The following MAP3K20 variants were observed in gnomAD, a reference collection of about 807,000 sequenced individuals.
MAP3K20 encodes HCCS-4.
Under a neutral mutation model 85.7 loss-of-function variants are expected in MAP3K20, and 40 were observed. That is an observed-to-expected ratio of 0.47 (90% CI 0.36 to 0.61). MAP3K20 has a LOEUF of 0.61. MAP3K20 is among the 20% of genes least tolerant of loss of function. The pLI is 0.00. For synonymous variants in MAP3K20, 325 were observed against 327.7 expected, an observed-to-expected ratio of 0.99 and a Z score of 0.09; for missense variants, 817 against 961.7, an observed-to-expected ratio of 0.85 and a Z score of 1.99.
chr2:173,188,991 A>G (rs899974889), intron 5 of MAP3K20, among the ~76,000 whole-genome samples: 1 of 152,190 alleles, frequency 6.6e-6, no homozygotes, highest in African/African-American at 2.4e-5. Flanking sequence ...TATCATTATG[A>G]AGACTATATA....
chr2:173,160,353 T>C (rs1430645879), intron 2 of MAP3K20: 1 of 152,198 alleles, frequency 6.6e-6, no homozygotes, highest in African/African-American at 2.4e-5. Context: ...GCTTTTAAAG[T>C]TGTAGCACAG....
intron 2 of MAP3K20, among the ~76,000 whole-genome samples, chr2:173,168,764 T>C (rs989524992): frequency 6.6e-6 from 1 of 152,216 alleles, no homozygotes; most frequent in Non-Finnish European, 1.5e-5. Context: ...AATTCTTGAT[T>C]AGCCATATTT....
intron 4 of MAP3K20, among the ~76,000 whole-genome samples, chr2:173,183,360 G>A (rs1362447374): frequency 6.6e-6 from 1 of 152,048 alleles, no homozygotes; most frequent in Non-Finnish European, 1.5e-5. Flanking sequence ...TACTCATTTT[G>A]TATACATAAT....
intron 4 of MAP3K20, among the ~76,000 whole-genome samples, chr2:173,183,833 A>C (rs1459264971): frequency 6.6e-6 from 1 of 152,322 alleles, no homozygotes; most frequent in South Asian, 2.1e-4. Context: ...AGCACTCAGT[A>C]AGGGGAGCAA....
Position 173,263,896 on chromosome 2 carries a change from G to GT in MAP3K20, c.1702+2dup. The GT allele has an allele frequency of 6.2e-7, 1 of 1,604,678 alleles. No homozygotes were observed. Among genetic ancestry groups the GT allele is most frequent in the Non-Finnish European group, 8.5e-7 (1 of 1,177,588 alleles). On this transcript the variant is annotated splice_donor_variant, in intron 19 of 19. Transcript: ENST00000375213. LOFTEE classifies it high-confidence loss of function. ...AACCCTGGAAGCAGGTCCGACTCAA[G>GT]TAAGTTAGTGTTCCCGTATTAGATG...
chr2:173,187,443 G>A, intron 4 of MAP3K20, 115 bp from the exon 5 acceptor site: 2 of 796,868 alleles, frequency 2.5e-6, no homozygotes, highest in Non-Finnish European at 4.0e-6. Context: ...AGTCATGGAA[G>A]AATAAGACAT....
In MAP3K20 at chr2:173,266,783, T is replaced by TAA. The variant is rs3835094; in HGVS notation, c.*49_*50dup. 0.091 allele frequency: 91,333 copies of TAA among 1,003,960 alleles called. 192 individuals are homozygous for TAA. Among genetic ancestry groups the TAA allele is most frequent in the Non-Finnish European group, 0.1 (79,400 of 758,458 alleles). 62.2% of individuals were successfully genotyped at this position (1,003,960 alleles called of 1,614,324 possible). ...AACTACATAGCTTTTCTAAGCAGGT[T>TAA]AAAAAAAAAAAAAAAAAGAAATGTA... On this transcript the variant is annotated 3_prime_UTR_variant, in exon 20 of 20. Coordinates refer to ENST00000375213, the MANE Select transcript of MAP3K20 (RefSeq NM_016653.3).
intron 16 of MAP3K20, among the ~76,000 whole-genome samples, chr2:173,249,946 A>G (rs1574157200): frequency 6.6e-6 from 1 of 152,172 alleles, no homozygotes; most frequent in Non-Finnish European, 1.5e-5. Context: ...ACATAACTCA[A>G]ATAACAACCC....
intron 14 of MAP3K20, among the ~76,000 whole-genome samples, 195 bp from the exon 15 acceptor site, chr2:173,238,178 G>C (rs534455044): frequency 1.2e-3 from 182 of 152,040 alleles, no homozygotes; most frequent in African/African-American, 4.3e-3. Flanking sequence ...AAAAATTTCT[G>C]GTCCTTTAAA....
chr2:173,091,516 C>A (rs1687299579), intron 2 of MAP3K20, among the ~76,000 whole-genome samples: 1 of 152,182 alleles, frequency 6.6e-6, no homozygotes, highest in South Asian at 2.1e-4. Context: ...CTTCCCTGGG[C>A]AGCCAAGAGG....
At chr2:173,176,665 G>C (rs1176976635) in intron 3 of MAP3K20, among the ~76,000 whole-genome samples, 1 of 152,104 alleles carries the variant, frequency 6.6e-6, no homozygotes, top group Non-Finnish European at 1.5e-5. Context: ...GGGACATGAA[G>C]AAAACATGGC....
intron 10 of MAP3K20, chr2:173,210,554 A>G (rs1004587687): frequency 1.3e-5 from 2 of 152,144 alleles, no homozygotes; most frequent in African/African-American, 4.8e-5. Context: ...AGAAAACTTG[A>G]TATCATAAAT....
At chr2:173,148,492 G>A (rs1689201639) in intron 2 of MAP3K20, among the ~76,000 whole-genome samples, 1 of 152,216 alleles carries the variant, frequency 6.6e-6, no homozygotes, top group Admixed American at 6.5e-5. Context: ...AGTGGTGTGA[G>A]TAGAATGGGT....
chr2:173,239,616 T>G, intron 16 of MAP3K20, 120 bp downstream of exon 16: 1 of 835,214 alleles, frequency 1.2e-6, no homozygotes, highest in Non-Finnish European at 1.8e-6. Flanking sequence ...AGTAAATTTA[T>G]AGACTTTATA....
chr2:173,164,875 T>C (rs1442489218), intron 2 of MAP3K20, among the ~76,000 whole-genome samples: 5 of 152,096 alleles, frequency 3.3e-5, no homozygotes, highest in Non-Finnish European at 2.9e-5. Flanking sequence ...TGTAAACTTA[T>C]AGAAATGCCG....
intron 19 of MAP3K20, among the ~76,000 whole-genome samples, 194 bp downstream of exon 19, chr2:173,264,089 A>G (rs1050806909): frequency 2.0e-5 from 3 of 152,206 alleles, no homozygotes; most frequent in African/African-American, 7.2e-5. Flanking sequence ...GACCAGGAGC[A>G]TCGGGATCAC....
intron 2 of MAP3K20, among the ~76,000 whole-genome samples, chr2:173,121,755 C>T (rs143852241): frequency 0.013 from 2,049 of 152,182 alleles, 22 homozygotes; most frequent in Non-Finnish European, 0.021. Context: ...GCCGCCCACC[C>T]GCCACCATCA....
intron 2 of MAP3K20, among the ~76,000 whole-genome samples, chr2:173,095,629 C>T (rs1361954202): frequency 6.6e-6 from 1 of 152,122 alleles, no homozygotes; most frequent in East Asian, 1.9e-4. Context: ...GAATCTTGCT[C>T]TGGGACTTAA....
chr2:173,243,907 T>C (rs1383117014), intron 16 of MAP3K20, among the ~76,000 whole-genome samples: 1 of 152,136 alleles, frequency 6.6e-6, no homozygotes, highest in African/African-American at 2.4e-5. Flanking sequence ...ATTACAGGCG[T>C]GAGTCACTGC....
Sources: allele counts gnomAD v4.1 joint callset (sites outside exome capture counted in the v4.1 genomes callset), GRCh38; gene constraint gnomAD v4.1.1; transcripts MANE v1.5; gene names NCBI Gene and HGNC (gene_info 2026-07-23, HGNC 2026-07-21).